The following TCERG1 variants were observed in gnomAD, a reference collection of about 807,000 sequenced individuals.
The protein encoded by TCERG1 is transcription elongation regulator 1.
TCERG1 carries 37 observed loss-of-function variants against 144.7 expected under a neutral mutation model. The ratio of observed to expected loss-of-function variants is 0.26; its 90% CI spans 0.20 to 0.34. The LOEUF is 0.34. Ranked by LOEUF, TCERG1 falls within the 10% of genes least tolerant of loss-of-function variation. The pLI is 1.00. For missense variants in TCERG1, 1,027 were observed against 1,380.7 expected (o/e 0.74, Z 4.06); for synonymous variants, 492 against 458.2 (o/e 1.07, Z -0.94).
intron 15 of TCERG1, among the ~76,000 whole-genome samples, chr5:146,487,865 A>G (rs1765996354): frequency 6.6e-6 from 1 of 152,138 alleles, no homozygotes; most frequent in African/African-American, 2.4e-5. Context: ...AGAGAGCTGT[A>G]GTAACTAAAA....
rs562475736 is a variant in TCERG1 at position 146,480,461 on chromosome 5, A to G, written c.1886+367A>G. On this transcript the variant is annotated intron_variant, in intron 12 of 22. Coordinates refer to ENST00000679501, the MANE Select transcript of TCERG1 (RefSeq NM_001382548.1). ...CAGACACAGACTTCTCCCTCTTTAT[A>G]TGGTTATCTTACGACTTACCTAGTC... is the stretch of plus-strand genomic sequence containing the variant. The G allele has an allele frequency of 6.0e-4, 100 of 166,444 alleles. 1 individual carries two copies. Among genetic ancestry groups the G allele is most frequent in the Non-Finnish European group, 8.7e-4 (67 of 76,842 alleles). 10.3% of individuals were successfully genotyped at this position (166,444 alleles called of 1,614,324 possible).
At chr5:146,467,522 T>A (rs780763240) in intron 5 of TCERG1, among the ~76,000 whole-genome samples, 8 of 152,160 alleles carry the variant, frequency 5.3e-5, no homozygotes, top group Non-Finnish European at 8.8e-5. Context: ...TCATGATGAG[T>A]CTTCATTCTT....
At chr5:146,492,499 A>C (rs900661204) in intron 15 of TCERG1, among the ~76,000 whole-genome samples, 1 of 152,198 alleles carries the variant, frequency 6.6e-6, no homozygotes, top group Non-Finnish European at 1.5e-5. Context: ...GATGTAAAGC[A>C]TGATTACATT....
chr5:146,483,545 T>C lies in TCERG1; in HGVS notation c.2079T>C (p.Ser693=), dbSNP rs1765552283. 1.4e-5 allele frequency: 22 copies of C among 1,612,290 alleles called. No homozygotes were observed. Among genetic ancestry groups the C allele is most frequent in the Non-Finnish European group, 1.8e-5 (21 of 1,179,024 alleles). The part of the protein sequence containing the change: ...FKDMLLERGV[S]AFSTWEKELH... Reference sequence around the variant, plus strand: ...AATACGTTTTTATTTTAAAGGTGTCTGCTTTTTCAACGTGGGAGAAGGAGT... The same window carrying C: ...AATACGTTTTTATTTTAAAGGTGTCCGCTTTTTCAACGTGGGAGAAGGAGT... The change falls in exon 15 of 23, where the codon TCT becomes TCC. Residue 693 remains serine (S), a synonymous_variant. Coordinates refer to ENST00000679501, the MANE Select transcript of TCERG1 (RefSeq NM_001382548.1).
intron 15 of TCERG1, among the ~76,000 whole-genome samples, chr5:146,489,249 C>T (rs1766162144): frequency 6.6e-6 from 1 of 152,114 alleles, no homozygotes; most frequent in Admixed American, 6.5e-5. Flanking sequence ...TGCTAATTAC[C>T]TTGATCTCAT....
At position 146,475,335 on chromosome 5, in the gene TCERG1, T is replaced by G. The variant is rs1021632127; in HGVS notation, c.1602-3158T>G. On this transcript the variant is annotated intron_variant, in intron 9 of 22. Coordinates refer to ENST00000679501, the MANE Select transcript of TCERG1 (RefSeq NM_001382548.1). ...GCAAGCCTAGTTCATAAGTGATGATTATTATTGTGTAGATCAGATGTTTTC... is the reference window on the plus strand; with the variant it reads ...GCAAGCCTAGTTCATAAGTGATGATGATTATTGTGTAGATCAGATGTTTTC... 3.9e-5 allele frequency among the ~76,000 whole-genome samples: 6 copies of G among 152,270 alleles called. No homozygotes were observed. The East Asian group carries it at 5.8e-4, about 15-fold the overall frequency.
At chr5:146,473,042 A>G (rs1341354486) in intron 9 of TCERG1, among the ~76,000 whole-genome samples, 1 of 152,088 alleles carries the variant, frequency 6.6e-6, no homozygotes, top group Non-Finnish European at 1.5e-5. Flanking sequence ...TCAAAAACTA[A>G]ACATGATTAA....
At chr5:146,468,124 T>A (rs1467305022) in intron 5 of TCERG1, among the ~76,000 whole-genome samples, 1 of 152,202 alleles carries the variant, frequency 6.6e-6, no homozygotes, top group Admixed American at 6.5e-5. Flanking sequence ...GCTGGTTTGA[T>A]AAAAAGGTAA....
intron 16 of TCERG1, among the ~76,000 whole-genome samples, chr5:146,495,444 AT>A (rs1212291936): frequency 1.3e-5 from 2 of 152,164 alleles, no homozygotes; most frequent in Non-Finnish European, 2.9e-5. Context: ...ACTACATATG[AT>A]CCCTTTTCTG....
rs148685078 is a variant in TCERG1 at position 146,510,432 on chromosome 5, T to G, written c.3147-9T>G. ...TCAGTAATTCTTGGACTTCTTTTTC[T>G]TATTTCAGATCCAAAAAATTAATCC... is the stretch of plus-strand genomic sequence containing the variant. On this transcript the variant is annotated splice_polypyrimidine_tract_variant and intron_variant, in intron 22 of 22. Coordinates refer to ENST00000679501, the MANE Select transcript of TCERG1 (RefSeq NM_001382548.1). The G allele has an allele frequency of 3.8e-4, 614 of 1,606,006 alleles. 6 individuals carry two copies. The East Asian group carries it at 0.012, about 32-fold the overall frequency.
intron 14 of TCERG1, 111 bp downstream of exon 14, chr5:146,482,838 G>A (rs1380419522): frequency 7.6e-7 from 1 of 1,318,958 alleles, no homozygotes; most frequent in Non-Finnish European, 9.8e-7. Flanking sequence ...GGGGGGATAA[G>A]GGGATTTTTA....
At chr5:146,480,262 C>T (rs1451429059) in intron 12 of TCERG1, 168 bp downstream of exon 12, 2 of 441,752 alleles carry the variant, frequency 4.5e-6, no homozygotes, top group African/African-American at 2.0e-5. Flanking sequence ...AAAATGTGTC[C>T]CTTCTTTTGC....
intron 5 of TCERG1, among the ~76,000 whole-genome samples, 196 bp from the exon 6 acceptor site, chr5:146,468,142 TATC>T (rs1211103572): frequency 1.3e-5 from 2 of 152,188 alleles, no homozygotes; most frequent in Non-Finnish European, 2.9e-5. Flanking sequence ...TAATTGATGG[TATC>T]ATTTAGAATT....
At chr5:146,483,370 A>C (rs1424023545) in intron 14 of TCERG1, among the ~76,000 whole-genome samples, 170 bp from the exon 15 acceptor site, 2 of 152,138 alleles carry the variant, frequency 1.3e-5, no homozygotes, top group Non-Finnish European at 2.9e-5. Context: ...ATTAGTGTGG[A>C]AATTTGCTAT....
rs532913914 is a variant in TCERG1 at position 146,507,001 on chromosome 5, G to GAT, written c.2782-17_2782-16dup. 5.6e-5 allele frequency: 85 copies of GAT among 1,522,604 alleles called. No individual in the cohort carries two copies. The highest frequency in any genetic ancestry group is 1.6e-4 in the Admixed American group (7 of 44,622). 94.3% of individuals were successfully genotyped at this position (1,522,604 alleles called of 1,614,324 possible). A position where few individuals can be genotyped will look rare whatever the true frequency, so the allele number is the denominator to read the frequency against. On this transcript the variant is annotated intron_variant, in intron 19 of 22. Coordinates refer to ENST00000679501, the MANE Select transcript of TCERG1 (RefSeq NM_001382548.1). This position sits in a 1 kb window ranked among gnomAD's most constrained non-coding sequence, Gnocchi z 4.6. ...GGACATTCAGATAAGTCTCTTTGGT[G>GAT]ATATATATATAATTTTTTCTCTTCA...
intron 17 of TCERG1, among the ~76,000 whole-genome samples, chr5:146,501,887 CTTTTTTTTTTT>C (rs70998087): frequency 1.2e-4 from 9 of 73,428 alleles, no homozygotes; most frequent in South Asian, 5.5e-4. Context: ...ATCAACTTCA[CTTTTTTTTTTT>C]TTTTTTTTTT....
At chr5:146,483,485 C>T (rs1404435711) in intron 14 of TCERG1, 55 bp from the exon 15 acceptor site, 2 of 1,488,424 alleles carry the variant, frequency 1.3e-6, no homozygotes, top group Non-Finnish European at 1.9e-6. Context: ...AAAATTATGA[C>T]CTTTATATTT....
At position 146,504,235 on chromosome 5, in the gene TCERG1, TCATTTA is replaced by T. The variant is rs1400243446; in HGVS notation, c.2781+230_2781+235del. 21 of 358,664 alleles carry T rather than the reference TCATTTA, an allele frequency of 5.9e-5. No homozygotes were observed. The Admixed American group carries it at 8.4e-4, about 14-fold the overall frequency. 22.2% of individuals were successfully genotyped at this position (358,664 alleles called of 1,614,324 possible). On this transcript the variant is annotated intron_variant, in intron 19 of 22. Coordinates refer to ENST00000679501, the MANE Select transcript of TCERG1 (RefSeq NM_001382548.1). ...ATTTTGCATATATGGAAAGTCATAA[TCATTTA>T]GTCTCACAACTTTATTATTTATTGT...
At chr5:146,476,308 A>T (rs1392760697) in intron 9 of TCERG1, among the ~76,000 whole-genome samples, 4 of 152,200 alleles carry the variant, frequency 2.6e-5, no homozygotes, top group Admixed American at 6.5e-5. Flanking sequence ...TATCTTCAGT[A>T]TCTCATTTCT....
Sources: gnomAD v4.1 joint callset for allele counts (sites outside exome capture counted in the v4.1 genomes callset) on GRCh38, gnomAD v4.1.1 for gene constraint, Gnocchi (gnomAD v3.1) non-coding constraint, MANE v1.5 for transcripts, NCBI Gene and HGNC (gene_info 2026-07-23, HGNC 2026-07-21) for gene names.